The following NAALADL2 variants were observed in gnomAD, a reference collection of about 807,000 sequenced individuals.
The protein encoded by NAALADL2 is inactive N-acetylated-alpha-linked acidic dipeptidase-like protein 2.
A neutral mutation model predicts 87.2 loss-of-function variants in NAALADL2; 76 were observed. The observed-to-expected ratio is 0.87, with a 90% CI of 0.72 to 1.05. NAALADL2 has a LOEUF of 1.05. Among genes scored for constraint, NAALADL2 ranks in the 50% least tolerant of loss-of-function variants. NAALADL2 has a pLI of 0.00. For synonymous variants in NAALADL2, 354 were observed against 331.0 expected, an observed-to-expected ratio of 1.07 and a Z score of -0.75; for missense variants, 1,089 against 945.8, an observed-to-expected ratio of 1.15 and a Z score of -1.99.
chr3:175,590,722 C>A (rs1721320436), intron 10 of NAALADL2, among the ~76,000 whole-genome samples: 1 of 152,078 alleles, frequency 6.6e-6, no homozygotes, highest in Admixed American at 6.6e-5. Flanking sequence ...ATTCAATCTA[C>A]TACAAGGACA....
chr3:174,503,146 C>T (rs540097761), intron 1 of NAALADL2, among the ~76,000 whole-genome samples: 2 of 152,122 alleles, frequency 1.3e-5, no homozygotes, highest in East Asian at 3.9e-4. Context: ...TTTGGCTATG[C>T]TTAGATTTCT....
chr3:175,777,925 C>T (rs1750476389), intron 13 of NAALADL2, among the ~76,000 whole-genome samples: 1 of 152,148 alleles, frequency 6.6e-6, no homozygotes, highest in African/African-American at 2.4e-5. Context: ...CTTCTCTCAA[C>T]CTACTGATGA....
At chr3:174,821,990 C>T (rs547557333) in intron 3 of NAALADL2, among the ~76,000 whole-genome samples, 129 of 151,732 alleles carry the variant, frequency 8.5e-4, no homozygotes, top group African/African-American at 2.7e-3. Context: ...AAATTCACTG[C>T]GATAATAAAG....
intron 1 of NAALADL2, among the ~76,000 whole-genome samples, chr3:175,011,901 A>T (rs2108808799): frequency 6.6e-6 from 1 of 152,310 alleles, no homozygotes; most frequent in South Asian, 2.1e-4. Context: ...TAGTATTATA[A>T]TTGGGAAACA....
chr3:175,350,124 T>C (rs1339163463), intron 5 of NAALADL2, among the ~76,000 whole-genome samples: 1 of 152,172 alleles, frequency 6.6e-6, no homozygotes, highest in Non-Finnish European at 1.5e-5. Context: ...AAGAATATTC[T>C]TGGCAATGTG....
intron 1 of NAALADL2, among the ~76,000 whole-genome samples, chr3:174,496,188 T>A (rs1560015053): frequency 6.6e-6 from 1 of 152,180 alleles, no homozygotes; most frequent in Admixed American, 6.5e-5. Context: ...CAGCTCAGTC[T>A]GTGCACATAC....
At chr3:174,906,453 A>G (rs555522897) in intron 1 of NAALADL2, among the ~76,000 whole-genome samples, 6 of 152,224 alleles carry the variant, frequency 3.9e-5, no homozygotes, top group South Asian at 2.1e-4. Flanking sequence ...GACTTTCATC[A>G]TGGGTGATCT....
At chr3:174,656,241 A>G (rs1355221781) in intron 2 of NAALADL2, among the ~76,000 whole-genome samples, 2 of 152,208 alleles carry the variant, frequency 1.3e-5, no homozygotes, top group Admixed American at 1.3e-4. Flanking sequence ...GCTCTGTTAC[A>G]TTCTGTTACT....
chr3:174,822,194 G>C (rs943377173), intron 3 of NAALADL2, among the ~76,000 whole-genome samples: 4 of 151,992 alleles, frequency 2.6e-5, no homozygotes, highest in African/African-American at 9.7e-5. Flanking sequence ...GGGGGAGAGA[G>C]AGAGTGAGCG....
At chr3:175,722,878 A>G (rs1561036503) in intron 11 of NAALADL2, among the ~76,000 whole-genome samples, 1 of 152,270 alleles carries the variant, frequency 6.6e-6, no homozygotes, top group East Asian at 1.9e-4. Context: ...TTATCAGACC[A>G]GTGTGCTAAT....
intron 13 of NAALADL2, among the ~76,000 whole-genome samples, chr3:175,785,552 G>A (rs1271779983): frequency 7.4e-6 from 1 of 135,460 alleles, no homozygotes; most frequent in Non-Finnish European, 1.5e-5. Flanking sequence ...TTTTCCATTT[G>A]CTTGGTAGAT....
chr3:175,649,616 G>A (rs1730477171), intron 11 of NAALADL2, among the ~76,000 whole-genome samples: 1 of 152,076 alleles, frequency 6.6e-6, no homozygotes, highest in South Asian at 2.1e-4. Flanking sequence ...TGCTCACATG[G>A]CCTTTCCTCA....
intron 5 of NAALADL2, among the ~76,000 whole-genome samples, chr3:175,370,868 A>G (rs1191965807): frequency 2.0e-5 from 3 of 152,328 alleles, no homozygotes; most frequent in Non-Finnish European, 2.9e-5. Context: ...TCAGAGCATA[A>G]AGGAGAAAGG....
At chr3:175,632,743 A>G (rs1727970970) in intron 11 of NAALADL2, among the ~76,000 whole-genome samples, 1 of 152,084 alleles carries the variant, frequency 6.6e-6, no homozygotes. Flanking sequence ...CATTGGATAT[A>G]TGGAGTTCTG....
intron 3 of NAALADL2, among the ~76,000 whole-genome samples, chr3:174,738,261 A>G (rs1396161213): frequency 6.6e-6 from 1 of 152,234 alleles, no homozygotes; most frequent in Non-Finnish European, 1.5e-5. Context: ...TTATGGCTTA[A>G]TACGTATAAA....
At chr3:174,726,614 C>G (rs912973434) in intron 2 of NAALADL2, among the ~76,000 whole-genome samples, 1 of 152,068 alleles carries the variant, frequency 6.6e-6, no homozygotes, top group African/African-American at 2.4e-5. Context: ...ACACTAGATA[C>G]TATTCTTTCC....
intron 11 of NAALADL2, among the ~76,000 whole-genome samples, chr3:175,704,155 T>A (rs1739354800): frequency 6.6e-6 from 1 of 152,170 alleles, no homozygotes; most frequent in African/African-American, 2.4e-5. Flanking sequence ...AATCTGAGTA[T>A]GAAAATAGCT....
intron 2 of NAALADL2, among the ~76,000 whole-genome samples, chr3:175,220,090 C>T (rs1028088226): frequency 1.3e-4 from 19 of 151,414 alleles, no homozygotes; most frequent in Non-Finnish European, 2.4e-4. Flanking sequence ...GCTACCAGGT[C>T]ATAATGCACT....
chr3:175,330,049 C>G (rs1761208017), intron 5 of NAALADL2, among the ~76,000 whole-genome samples: 1 of 152,108 alleles, frequency 6.6e-6, no homozygotes, highest in Admixed American at 6.6e-5. Context: ...TGGAAGCACT[C>G]TACTTTAAAT....
Sources: allele counts gnomAD v4.1 joint callset (sites outside exome capture counted in the v4.1 genomes callset), GRCh38; gene constraint gnomAD v4.1.1; transcripts MANE v1.5; gene names NCBI Gene and HGNC (gene_info 2026-07-23, HGNC 2026-07-21).